The following DMD variants were observed in gnomAD, a reference collection of about 807,000 sequenced individuals.
DMD encodes dystrophin, also known as mutant dystrophin.
Under a neutral mutation model 330.1 loss-of-function variants are expected in DMD, and 63 were observed. The observed-to-expected ratio is 0.19, with a 90% CI of 0.16 to 0.24. DMD has a LOEUF of 0.24. DMD is among the 10% of genes least tolerant of loss of function. The probability of loss-of-function intolerance (pLI) is 1.00; values close to 1 mark genes in which losing one functional copy is unlikely to be tolerated. For synonymous variants in DMD, 1,223 were observed against 959.8 expected, an observed-to-expected ratio of 1.27 and a Z score of -5.07; for missense variants, 3,344 against 2,684.1, an observed-to-expected ratio of 1.25 and a Z score of -5.43.
intron 53 of DMD, among the ~76,000 whole-genome samples, chrX:31,672,378 T>C (rs762046606): frequency 8.9e-6 from 1 of 112,481 alleles, no homozygotes; most frequent in South Asian, 3.6e-4. Flanking sequence ...TCTGCTATTA[T>C]TGGATGAAAC....
intron 43 of DMD, among the ~76,000 whole-genome samples, chrX:32,220,457 TGTGA>T (rs2097128377): frequency 9.0e-6 from 1 of 111,382 alleles, no homozygotes; most frequent in South Asian, 3.7e-4. Flanking sequence ...TGACACTTAA[TGTGA>T]GTAATAATAC....
chrX:33,325,786 A>C (rs754725439), intron 1 of DMD, among the ~76,000 whole-genome samples: 4 of 112,127 alleles, frequency 3.6e-5, no homozygotes, highest in Admixed American at 1.9e-4. Flanking sequence ...ATTAGTGATG[A>C]AACAAGACAA....
chrX:32,219,297 G>A (rs190739135), intron 43 of DMD, among the ~76,000 whole-genome samples: 2 of 111,332 alleles, frequency 1.8e-5, no homozygotes, highest in Non-Finnish European at 3.8e-5. Context: ...TGAATATATC[G>A]TAAGTTTATT....
chrX:33,150,087 G>C (rs1001898153), intron 1 of DMD, among the ~76,000 whole-genome samples: 6 of 110,664 alleles, frequency 5.4e-5, no homozygotes. Flanking sequence ...CAAATTATCA[G>C]TAAAAATTAG....
chrX:31,863,027 C>T (rs2093734019), intron 48 of DMD, among the ~76,000 whole-genome samples: 1 of 112,839 alleles, frequency 8.9e-6, no homozygotes, highest in African/African-American at 3.2e-5. Flanking sequence ...CCTGAGGCTG[C>T]CCGCACCCAG....
At chrX:32,775,955 T>C (rs2074099021) in intron 7 of DMD, among the ~76,000 whole-genome samples, 1 of 112,274 alleles carries the variant, frequency 8.9e-6, no homozygotes, top group Non-Finnish European at 1.9e-5. Flanking sequence ...AATCTCTCTG[T>C]GAACGCATAT....
rs180726018 is a variant in DMD at position 31,128,366 on chromosome X, G to T, written c.11015-1693C>A. ...AGTGAATTGGTAAAGTAGTAGTTGGGTCATGACCAAGAGGAGTCCTTCTGT... is the reference window on the plus strand; with the variant it reads ...AGTGAATTGGTAAAGTAGTAGTTGGTTCATGACCAAGAGGAGTCCTTCTGT... On this transcript the variant is annotated intron_variant, in intron 77 of 78. Coordinates refer to ENST00000357033, the MANE Select transcript of DMD (RefSeq NM_004006.3). Among the ~76,000 whole-genome samples the T allele has an allele frequency of 1.5e-4, 17 of 111,270 alleles. No individual in the cohort carries two copies. In the East Asian group the frequency reaches 4.8e-3, roughly 32 times the overall value.
chrX:32,507,649 T>A (rs2044763997), intron 18 of DMD, among the ~76,000 whole-genome samples: 1 of 111,767 alleles, frequency 8.9e-6, no homozygotes, highest in Admixed American at 9.5e-5. Flanking sequence ...TTTCCCATTT[T>A]GACAGAGGAG....
chrX:32,026,067 A>C (rs1323066967), intron 44 of DMD, among the ~76,000 whole-genome samples: 1 of 112,210 alleles, frequency 8.9e-6, no homozygotes, highest in Non-Finnish European at 1.9e-5. Flanking sequence ...GATAAGGCAC[A>C]TTTGTGGTCC....
chrX:32,195,894 G>A (rs1337408838), intron 44 of DMD, among the ~76,000 whole-genome samples: 1 of 111,865 alleles, frequency 8.9e-6, no homozygotes, highest in East Asian at 2.8e-4. Context: ...ATAGAGTGCA[G>A]AGCATCCATA....
At chrX:31,393,238 G>A in intron 60 of DMD, among the ~76,000 whole-genome samples, 1 of 111,390 alleles carries the variant, frequency 9.0e-6, no homozygotes, top group Middle Eastern at 4.7e-3. Context: ...AGCACTTTGG[G>A]AGGCCGAGGC....
At chrX:32,316,658 TC>T (rs2097583410) in intron 41 of DMD, among the ~76,000 whole-genome samples, 1 of 111,251 alleles carries the variant, frequency 9.0e-6, no homozygotes, top group African/African-American at 3.3e-5. Flanking sequence ...TCTAGAAAAT[TC>T]CGTGTTATTA....
chrX:31,360,543 G>A (rs896263244), intron 60 of DMD, among the ~76,000 whole-genome samples: 5 of 112,498 alleles, frequency 4.4e-5, no homozygotes, highest in Non-Finnish European at 9.4e-5. Flanking sequence ...AAAGCATGGA[G>A]AAAGCGAAGA....
chrX:32,827,354 G>A (rs1404823400), intron 4 of DMD, among the ~76,000 whole-genome samples: 1 of 111,343 alleles, frequency 9.0e-6, no homozygotes, highest in African/African-American at 3.3e-5. Flanking sequence ...CAGATCACTA[G>A]GGGGTAATTA....
At chrX:33,068,336 T>C (rs779845315) in intron 1 of DMD, among the ~76,000 whole-genome samples, 1 of 111,876 alleles carries the variant, frequency 8.9e-6, no homozygotes, top group South Asian at 3.7e-4. Context: ...GTGGCTGAAA[T>C]ATTTTTCTAA....
At chrX:33,243,500 A>G (rs895557170) in intron 1 of DMD, among the ~76,000 whole-genome samples, 33 of 112,054 alleles carry the variant, frequency 2.9e-4, no homozygotes, top group African/African-American at 1.1e-3. Context: ...AGATTTCTCT[A>G]AGAATTAAAA....
chrX:31,453,340 T>G (rs968487189), intron 59 of DMD, among the ~76,000 whole-genome samples: 4 of 110,664 alleles, frequency 3.6e-5, no homozygotes, highest in African/African-American at 1.3e-4. Flanking sequence ...TTTTGTATTT[T>G]TAGTAGAGAT....
intron 56 of DMD, among the ~76,000 whole-genome samples, chrX:31,505,847 T>C (rs1443482808): frequency 9.0e-6 from 1 of 111,073 alleles, no homozygotes; most frequent in Non-Finnish European, 1.9e-5. Context: ...TTGGCCAGGA[T>C]GGTCTCGATC....
chrX:32,380,057 A>T (rs1321706106), intron 34 of DMD, among the ~76,000 whole-genome samples: 3 of 111,596 alleles, frequency 2.7e-5, no homozygotes, highest in Non-Finnish European at 5.7e-5. Flanking sequence ...TGGAAATGAT[A>T]GCCCCTGCAT....
Sources: gnomAD v4.1 joint callset for allele counts (sites outside exome capture counted in the v4.1 genomes callset) on GRCh38, gnomAD v4.1.1 for gene constraint, MANE v1.5 for transcripts, NCBI Gene and HGNC (gene_info 2026-07-23, HGNC 2026-07-21) for gene names.